Variants in NTRK2 observed in about 807,000 individuals in gnomAD.
NTRK2 encodes the protein neurotrophic receptor tyrosine kinase 2.
A neutral mutation model predicts 94.5 loss-of-function variants in NTRK2; 13 were observed. The observed-to-expected ratio is 0.14, with a 90% CI of 0.09 to 0.22. The LOEUF (loss-of-function observed/expected upper bound fraction) is 0.22, where lower values mean the gene tolerates loss of function less well. Ranked by LOEUF, NTRK2 falls within the 10% of genes least tolerant of loss-of-function variation. NTRK2 has a pLI of 1.00. For missense variants in NTRK2, 639 were observed against 1,071.2 expected, an observed-to-expected ratio of 0.60 and a Z score of 5.63; for synonymous variants, 372 against 407.4, an observed-to-expected ratio of 0.91 and a Z score of 1.05.
At chr9:84,980,294 T>G (rs1253628603) in intron 17 of NTRK2, among the ~76,000 whole-genome samples, 2 of 152,222 alleles carry the variant, frequency 1.3e-5, no homozygotes, top group African/African-American at 4.8e-5. Flanking sequence ...TTTTTTCTGT[T>G]TCTTACTATT....
intron 2 of NTRK2, among the ~76,000 whole-genome samples, chr9:84,681,111 T>C (rs991610979): frequency 1.3e-5 from 2 of 152,212 alleles, no homozygotes; most frequent in African/African-American, 2.4e-5. Context: ...CCATTACTTA[T>C]GTTACCTTCT....
intron 9 of NTRK2, among the ~76,000 whole-genome samples, chr9:84,734,654 C>T (rs2063126960): frequency 6.6e-6 from 1 of 152,126 alleles, no homozygotes; most frequent in Non-Finnish European, 1.5e-5. Flanking sequence ...CTTATGAGAT[C>T]TGATGGTTTG....
chr9:84,888,890 C>T (rs973751137), intron 14 of NTRK2, among the ~76,000 whole-genome samples: 1 of 151,612 alleles, frequency 6.6e-6, no homozygotes, highest in Non-Finnish European at 1.5e-5. Context: ...GTCACACAAC[C>T]TGCTTTAGTT....
chr9:84,932,887 A>C (rs903245353), intron 14 of NTRK2, among the ~76,000 whole-genome samples: 2 of 152,198 alleles, frequency 1.3e-5, no homozygotes, highest in African/African-American at 2.4e-5. Context: ...TTCTCTTATA[A>C]ATTAAGTCTC....
intron 17 of NTRK2, among the ~76,000 whole-genome samples, chr9:84,961,776 A>G (rs1824966440): frequency 1.3e-5 from 2 of 152,240 alleles, no homozygotes; most frequent in South Asian, 4.1e-4. Context: ...TGTAGATACA[A>G]AATGGGAACC....
chr9:84,812,719 A>G, intron 12 of NTRK2: 2 of 1,041,194 alleles, frequency 1.9e-6, no homozygotes, highest in East Asian at 5.8e-5. Flanking sequence ...TAGAAAGGCT[A>G]TGGATTGTTT....
At chr9:84,958,191 A>G (rs1372049524) in intron 17 of NTRK2, among the ~76,000 whole-genome samples, 2 of 152,020 alleles carry the variant, frequency 1.3e-5, no homozygotes, top group African/African-American at 4.8e-5. Flanking sequence ...GTACAACATT[A>G]ATCATATACA....
intron 2 of NTRK2, among the ~76,000 whole-genome samples, chr9:84,677,823 A>G (rs1295457442): frequency 5.3e-5 from 8 of 150,088 alleles, no homozygotes; most frequent in Non-Finnish European, 7.4e-5. Flanking sequence ...CCCCACCCCT[A>G]TCCTCTTCTC....
At chr9:84,758,996 T>C (rs1178801140) in intron 12 of NTRK2, among the ~76,000 whole-genome samples, 1 of 152,204 alleles carries the variant, frequency 6.6e-6, no homozygotes, top group Non-Finnish European at 1.5e-5. Context: ...TTTGTTAAAC[T>C]ACTCTCCTCC....
intron 12 of NTRK2, among the ~76,000 whole-genome samples, chr9:84,808,983 G>A (rs1447904689): frequency 6.6e-6 from 1 of 152,112 alleles, no homozygotes; most frequent in Non-Finnish European, 1.5e-5. Flanking sequence ...AAATGTCTCG[G>A]AGATTTCTAT....
At chr9:84,876,097 T>G (rs1048667696) in intron 14 of NTRK2, 10 of 1,034,606 alleles carry the variant, frequency 9.7e-6, no homozygotes, top group Non-Finnish European at 1.2e-5. Context: ...AATTAACACA[T>G]TTTTTAACCA....
At chr9:84,867,149 T>C (rs1052552962) in intron 13 of NTRK2, 94 bp from the exon 14 acceptor site, 6 of 1,197,066 alleles carry the variant, frequency 5.0e-6, no homozygotes, top group Non-Finnish European at 7.3e-6. Context: ...ACCCACTGAA[T>C]TGTATACTTT....
At chr9:84,853,467 G>C (rs2074887160) in intron 12 of NTRK2, among the ~76,000 whole-genome samples, 1 of 152,184 alleles carries the variant, frequency 6.6e-6, no homozygotes, top group African/African-American at 2.4e-5. Flanking sequence ...TTCCATTGGA[G>C]AGCCACAAAT....
At chr9:84,936,228 T>C (rs1056599861) in intron 15 of NTRK2, among the ~76,000 whole-genome samples, 1 of 152,218 alleles carries the variant, frequency 6.6e-6, no homozygotes, top group Non-Finnish European at 1.5e-5. Context: ...TTAGTACCAC[T>C]TCTTGCCCTG....
At chr9:84,880,907 G>A (rs892658282) in intron 14 of NTRK2, among the ~76,000 whole-genome samples, 2 of 152,218 alleles carry the variant, frequency 1.3e-5, no homozygotes, top group African/African-American at 4.8e-5. Flanking sequence ...TTATTCAAAT[G>A]TAGTTCAAAG....
chr9:84,707,816 C>T, intron 4 of NTRK2, 28 bp from the exon 5 acceptor site: 1 of 1,558,208 alleles, frequency 6.4e-7, no homozygotes, highest in South Asian at 1.1e-5. Flanking sequence ...ATTTTAAATT[C>T]ATGTTTAATG....
chr9:84,750,084 A>T (rs999513034), intron 11 of NTRK2, among the ~76,000 whole-genome samples: 1 of 152,130 alleles, frequency 6.6e-6, no homozygotes, highest in Non-Finnish European at 1.5e-5. Flanking sequence ...CAGGTGGAGC[A>T]GGGTTCCTCA....
intron 12 of NTRK2, among the ~76,000 whole-genome samples, chr9:84,792,693 C>T (rs138061103): frequency 7.9e-5 from 12 of 152,010 alleles, no homozygotes; most frequent in African/African-American, 2.4e-4. Flanking sequence ...GTGTAGATGT[C>T]ATCTCAATTG....
intron 12 of NTRK2, among the ~76,000 whole-genome samples, chr9:84,798,808 A>G (rs987012236): frequency 1.3e-5 from 2 of 151,802 alleles, no homozygotes; most frequent in Admixed American, 1.3e-4. Context: ...TGTGAACATA[A>G]AGCATTTGCC....
Sources: gnomAD v4.1 joint callset for allele counts (sites outside exome capture counted in the v4.1 genomes callset) on GRCh38, gnomAD v4.1.1 for gene constraint, MANE v1.5 for transcripts, NCBI Gene and HGNC (gene_info 2026-07-23, HGNC 2026-07-21) for gene names.